Variants in PARD3 observed in about 807,000 individuals in gnomAD.
PARD3 encodes par-3 family cell polarity regulator.
In PARD3, 75 loss-of-function variants were observed where a neutral mutation model predicts 155.4. The ratio of observed to expected loss-of-function variants is 0.48; its 90% CI spans 0.40 to 0.58. The LOEUF (loss-of-function observed/expected upper bound fraction) is 0.58. Ranked by LOEUF, PARD3 falls within the 20% of genes least tolerant of loss-of-function variation. The pLI is 0.00. For missense variants in PARD3, 1,642 were observed against 1,721.7 expected, an observed-to-expected ratio of 0.95 and a Z score of 0.82; for synonymous variants, 576 against 610.5, an observed-to-expected ratio of 0.94 and a Z score of 0.83.
At chr10:34,245,117 T>C (rs1953859545) in intron 22 of PARD3, among the ~76,000 whole-genome samples, 1 of 152,210 alleles carries the variant, frequency 6.6e-6, no homozygotes, top group Non-Finnish European at 1.5e-5. Context: ...CAATCCTGTT[T>C]AGACACCCAA....
intron 3 of PARD3, among the ~76,000 whole-genome samples, chr10:34,482,247 C>G (rs1338931355): frequency 6.6e-6 from 1 of 151,624 alleles, no homozygotes; most frequent in South Asian, 2.1e-4. Context: ...GTTGTCTAAG[C>G]TGGTCTTGAA....
At chr10:34,347,797 T>C (rs1837586675) in intron 15 of PARD3, among the ~76,000 whole-genome samples, 168 bp downstream of exon 15, 1 of 152,206 alleles carries the variant, frequency 6.6e-6, no homozygotes, top group Admixed American at 6.5e-5. Flanking sequence ...ACATGAACAC[T>C]TCCTGAATGA....
At chr10:34,274,944 T>C (rs533004815) in intron 21 of PARD3, among the ~76,000 whole-genome samples, 8 of 152,190 alleles carry the variant, frequency 5.3e-5, no homozygotes, top group Non-Finnish European at 1.0e-4. Flanking sequence ...TGATGGGTTC[T>C]GGATTTGAAT....
At chr10:34,747,718 T>A (rs1244763366) in intron 1 of PARD3, among the ~76,000 whole-genome samples, 3 of 152,180 alleles carry the variant, frequency 2.0e-5, no homozygotes, top group East Asian at 1.9e-4. Context: ...AAAGCTTCCA[T>A]GACTAACAAC....
In PARD3 at chr10:34,135,671, A is replaced by G. The variant is rs557715317; in HGVS notation, c.3420-4088T>C. On this transcript the variant is annotated intron_variant, in intron 22 of 24. Coordinates refer to ENST00000374788, the MANE Select transcript of PARD3 (RefSeq NM_001184785.2). ...GAAGCCTGCCCCGCACCTGTGCCCC[A>G]CAGGCAAGCCAACTCAACCACTTCC... 5.9e-5 allele frequency among the ~76,000 whole-genome samples: 9 copies of G among 152,320 alleles called. No individual in the cohort carries two copies. The South Asian group carries it at 1.2e-3, about 21-fold the overall frequency.
chr10:34,448,134 C>T (rs868038522), intron 5 of PARD3, among the ~76,000 whole-genome samples: 123 of 147,144 alleles, frequency 8.4e-4, no homozygotes, highest in Non-Finnish European at 1.4e-3. Context: ...ATATACACTG[C>T]GTGTGTGTGT....
At chr10:34,797,884 T>A (rs1842445434) in intron 1 of PARD3, among the ~76,000 whole-genome samples, 1 of 152,226 alleles carries the variant, frequency 6.6e-6, no homozygotes, top group Non-Finnish European at 1.5e-5. Flanking sequence ...GCACATGTGT[T>A]GTCTCTGTTT....
chr10:34,269,951 A>T, intron 21 of PARD3, 52 bp from the exon 22 acceptor site: 3 of 1,544,366 alleles, frequency 1.9e-6, no homozygotes, highest in Non-Finnish European at 2.7e-6. Context: ...TTTTTTAGGA[A>T]CTGCATATAG....
At chr10:34,494,074 G>T (rs115112157) in intron 3 of PARD3, among the ~76,000 whole-genome samples, 125 of 152,260 alleles carry the variant, frequency 8.2e-4, no homozygotes, top group African/African-American at 2.8e-3. Flanking sequence ...TCCCAACACA[G>T]CAGTGGATCT....
At chr10:34,273,402 C>A (rs1371362126) in intron 21 of PARD3, among the ~76,000 whole-genome samples, 1 of 152,160 alleles carries the variant, frequency 6.6e-6, no homozygotes, top group Non-Finnish European at 1.5e-5. Context: ...TCTCACAGGT[C>A]ATATATGATT....
intron 1 of PARD3, among the ~76,000 whole-genome samples, chr10:34,726,104 A>G (rs2094705237): frequency 6.6e-6 from 1 of 152,182 alleles, no homozygotes; most frequent in Non-Finnish European, 1.5e-5. Flanking sequence ...TAACTTCCTA[A>G]AGCTCTTGGC....
intron 5 of PARD3, among the ~76,000 whole-genome samples, chr10:34,403,901 CT>C (rs1219786663): frequency 6.6e-6 from 1 of 152,066 alleles, no homozygotes; most frequent in Non-Finnish European, 1.5e-5. Flanking sequence ...CATTACAGAT[CT>C]TTTTTTCAGG....
At chr10:34,228,627 C>T (rs925210506) in intron 22 of PARD3, among the ~76,000 whole-genome samples, 7 of 152,028 alleles carry the variant, frequency 4.6e-5, no homozygotes, top group South Asian at 2.1e-4. Flanking sequence ...ACACTTTAAA[C>T]GGGTGAATTA....
chr10:34,446,781 G>A (rs997471862), intron 5 of PARD3, among the ~76,000 whole-genome samples: 1 of 152,074 alleles, frequency 6.6e-6, no homozygotes, highest in Non-Finnish European at 1.5e-5. Flanking sequence ...CGGTGTGCAA[G>A]GCAAGCTGTC....
At chr10:34,695,356 T>C (rs1042837632) in intron 2 of PARD3, among the ~76,000 whole-genome samples, 2 of 150,278 alleles carry the variant, frequency 1.3e-5, no homozygotes, top group Admixed American at 6.7e-5. Context: ...ACGCCTATAA[T>C]CCCAGCTAGT....
intron 1 of PARD3, among the ~76,000 whole-genome samples, chr10:34,735,669 T>C (rs2094900093): frequency 1.3e-5 from 2 of 152,178 alleles, no homozygotes; most frequent in Non-Finnish European, 2.9e-5. Context: ...ATATATGCAA[T>C]GATTTATCTG....
rs74131698 is a variant in PARD3, at chr10:34,318,475, A to G, written c.2834-1137T>C. On this transcript the variant is annotated intron_variant, in intron 19 of 24. Coordinates refer to ENST00000374788, the MANE Select transcript of PARD3 (RefSeq NM_001184785.2). Reference sequence around the variant, plus strand: ...AAACAGAATGGTTCGGCCTCTTCCCAAACTTTTGCAAAGAACTGACCTCCA... The same window carrying G: ...AAACAGAATGGTTCGGCCTCTTCCCGAACTTTTGCAAAGAACTGACCTCCA... Among the ~76,000 whole-genome samples, 1,157 of 152,308 alleles carry G rather than the reference A, an allele frequency of 7.6e-3. 14 individuals are homozygous for G. Among genetic ancestry groups the G allele is most frequent in the African/African-American group, 0.027 (1,103 of 41,584 alleles).
chr10:34,668,974 G>A (rs930673428), intron 2 of PARD3, among the ~76,000 whole-genome samples: 14 of 152,044 alleles, frequency 9.2e-5, no homozygotes, highest in Admixed American at 2.0e-4. Context: ...CTAGGACATG[G>A]GGATACAGCA....
rs1278882680 is a variant in PARD3, at chr10:34,474,159, T to C, written c.404-3896A>G. Among the ~76,000 whole-genome samples, 4 of 152,158 alleles carry C rather than the reference T, an allele frequency of 2.6e-5. No homozygotes were observed. In the East Asian group the frequency reaches 5.8e-4, roughly 22 times the overall value. Reference sequence around the variant, plus strand: ...CAGCCTGGGCAACAGAGCAAGGCCCTGTCAGTCAGTCACTCAACAGCATTT... The same window carrying C: ...CAGCCTGGGCAACAGAGCAAGGCCCCGTCAGTCAGTCACTCAACAGCATTT... On this transcript the variant is annotated intron_variant, in intron 3 of 24. Coordinates refer to ENST00000374788, the MANE Select transcript of PARD3 (RefSeq NM_001184785.2).
Sources: gnomAD v4.1 joint callset for allele counts (sites outside exome capture counted in the v4.1 genomes callset) on GRCh38, gnomAD v4.1.1 for gene constraint, MANE v1.5 for transcripts, NCBI Gene and HGNC (gene_info 2026-07-23, HGNC 2026-07-21) for gene names.